The following ANK1 variants were observed in gnomAD, a reference collection of about 807,000 sequenced individuals.
The protein encoded by ANK1 is ankyrin 1.
Under a neutral mutation model 210.4 loss-of-function variants are expected in ANK1, and 51 were observed. The ratio of observed to expected loss-of-function variants is 0.24; its 90% CI spans 0.19 to 0.31. The LOEUF is 0.31. ANK1 is among the 10% of genes least tolerant of loss of function. ANK1 has a pLI of 1.00. For missense variants in ANK1, 2,051 were observed against 2,504.4 expected (o/e 0.82, Z 3.86); for synonymous variants, 967 against 1,025.9 (o/e 0.94, Z 1.10).
intron 1 of ANK1, chr8:41,828,718 C>A (rs927694387): frequency 2.0e-5 from 3 of 152,888 alleles, no homozygotes; most frequent in African/African-American, 4.8e-5. Context: ...GAAACAGGAA[C>A]TGCTCCTCGC....
chr8:41,862,303 G>A (rs966054651), intron 1 of ANK1, among the ~76,000 whole-genome samples: 7 of 152,154 alleles, frequency 4.6e-5, no homozygotes, highest in Admixed American at 6.5e-5. Context: ...ACAAAATGGT[G>A]TCTAGGAAAG....
chr8:41,664,260 C>T (rs569177768), intron 39 of ANK1: 8 of 432,716 alleles, frequency 1.8e-5, no homozygotes, highest in South Asian at 1.3e-4. Context: ...CCACTTGAGC[C>T]CAGGAGTTCA....
At chr8:41,815,095 T>C (rs1221980261) in intron 1 of ANK1, among the ~76,000 whole-genome samples, 1 of 152,116 alleles carries the variant, frequency 6.6e-6, no homozygotes, top group Non-Finnish European at 1.5e-5. Context: ...TTAAATAGGA[T>C]CACAGATCAT....
rs1008540022 is a variant in ANK1, at chr8:41,694,698, T to A, written c.3221A>T (p.Asp1074Val). The A allele has an allele frequency of 6.2e-7, 1 of 1,613,956 alleles. No individual in the cohort carries two copies. The highest frequency in any genetic ancestry group is 1.3e-5 in the African/African-American group (1 of 74,884). The stretch of plus-strand genomic sequence containing the variant: ...GGAGCCCCCTTCGGGACCGATGGTG[T>A]CGTAGTCCTGGCAGAGCCGTGACAT... ...VIMSRLCQDY[D>V]TIGPEGGSLK... The change falls in exon 28 of 43, where the codon GAC (aspartate) becomes GTC (valine). Residue 1074 changes from aspartate (D) to valine (V), a missense_variant. This residue lies in a region of ANK1 where 1,413 missense variants were observed against 1,707.4 expected (regional missense o/e 0.83). Transcript: ENST00000289734. This position sits in a 1 kb window ranked among gnomAD's most constrained non-coding sequence, Gnocchi z 5.7.
At chr8:41,877,472 C>T (rs1195415911) in intron 1 of ANK1, among the ~76,000 whole-genome samples, 1 of 152,224 alleles carries the variant, frequency 6.6e-6, no homozygotes, top group Non-Finnish European at 1.5e-5. Context: ...GCCCCAGCTG[C>T]AAGACTGTGG....
In ANK1 at chr8:41,697,807, G is replaced by A. The variant is rs1185977415; in HGVS notation, c.2637+236C>T. ...GCTGCTGTCCTGGGCTGCATCCAAG[G>A]ACTGCGCCACCACAGGAAAGGGCCC... On this transcript the variant is annotated intron_variant, in intron 24 of 42. Transcript: ENST00000289734. The A allele has an allele frequency of 3.3e-6, 2 of 610,126 alleles. 1 individual carries two copies. Among genetic ancestry groups the A allele is most frequent in the South Asian group, 3.5e-5 (2 of 56,588 alleles). 37.8% of individuals were successfully genotyped at this position (610,126 alleles called of 1,614,324 possible).
chr8:41,767,417 C>A (rs1361269963), intron 1 of ANK1, among the ~76,000 whole-genome samples: 1 of 151,802 alleles, frequency 6.6e-6, no homozygotes, highest in Non-Finnish European at 1.5e-5. Context: ...GCCCGGCTCC[C>A]GCTCCCCCTC....
chr8:41,684,724 A>G (rs374135662), intron 36 of ANK1, 34 bp from the exon 37 acceptor site: 39 of 1,607,888 alleles, frequency 2.4e-5, no homozygotes, highest in Non-Finnish European at 3.3e-5. Context: ...ACGTTACTCC[A>G]GGCCGGTGAG....
chr8:41,780,319 C>T (rs761729027), intron 1 of ANK1, among the ~76,000 whole-genome samples: 2 of 152,192 alleles, frequency 1.3e-5, no homozygotes, highest in Non-Finnish European at 2.9e-5. Flanking sequence ...GACACTGCAC[C>T]CAGCCTCTTC....
rs1820156528 is a variant in ANK1 at position 41,694,182 on chromosome 8, G to A, written c.3328-80C>T. ...GACGGGAGGCAGCTCCATGCCTGGT[G>A]AGAGTGGCCGTCAGTGCACGGGGTC... On this transcript the variant is annotated intron_variant, in intron 28 of 42. Transcript: ENST00000289734. The surrounding 1 kb of genome is among the most constrained non-coding windows in gnomAD (Gnocchi z 5.7). The A allele has an allele frequency of 4.8e-6, 7 of 1,453,502 alleles. No homozygotes were observed. The South Asian group carries it at 8.6e-5, about 18-fold the overall frequency. The allele number at this position is 1,453,502 out of a possible 1,614,324, so 90.0% of individuals were successfully genotyped here.
chr8:41,675,559 T>C (rs1191753372), intron 37 of ANK1, among the ~76,000 whole-genome samples: 2 of 152,250 alleles, frequency 1.3e-5, no homozygotes, highest in East Asian at 3.8e-4. Context: ...TTCCATAGAC[T>C]TTGCCATTAA....
intron 39 of ANK1, 67 bp from the exon 40 acceptor site, chr8:41,663,809 C>A (rs934706462): frequency 7.5e-7 from 1 of 1,329,128 alleles, no homozygotes; most frequent in Non-Finnish European, 1.1e-6. Flanking sequence ...GGGTGGAGGA[C>A]GAGGAAATGA....
intron 1 of ANK1, among the ~76,000 whole-genome samples, chr8:41,865,425 C>A (rs999422556): frequency 3.3e-5 from 5 of 151,990 alleles, no homozygotes; most frequent in Non-Finnish European, 7.4e-5. Flanking sequence ...ACAGCTGGGG[C>A]TCAGTAGATA....
chr8:41,748,984 G>C (rs1057409711), intron 2 of ANK1, among the ~76,000 whole-genome samples: 3 of 151,658 alleles, frequency 2.0e-5, no homozygotes, highest in Admixed American at 6.6e-5. Context: ...GCAGTGAACA[G>C]AGATCCTGCC....
At chr8:41,664,742 C>A in intron 39 of ANK1, 1 of 1,487,452 alleles carries the variant, frequency 6.7e-7, no homozygotes, top group Non-Finnish European at 9.1e-7. Flanking sequence ...CAGCAGCGTC[C>A]CCTCAGCCCC....
At chr8:41,675,992 TCA>T (rs988786551) in intron 37 of ANK1, among the ~76,000 whole-genome samples, 21 of 152,360 alleles carry the variant, frequency 1.4e-4, no homozygotes, top group Non-Finnish European at 2.4e-4. Context: ...GAAGGATATA[TCA>T]CAGTTTGTAA....
Position 41,668,505 on chromosome 8 carries a change from C to T in ANK1, c.5156G>A (p.Gly1719Asp), listed in dbSNP as rs778719660. ...IVSYLQDAAQ[G>D]SWQEEVTQGP... ...TTGCGTGACCTCCTCTTGCCAGGAA[C>T]CTTGTGCAGCATCTTGCAGGTATGA... Residue 1719 changes from glycine to aspartate, a missense_variant, in exon 39 of 43, where the codon GGT becomes GAT. Gly to Asp is a moderately conservative substitution (Grantham distance 94, BLOSUM62 -1). Transcript: ENST00000289734. The T allele has an allele frequency of 2.5e-6, 4 of 1,614,212 alleles. No homozygotes were observed. The highest frequency in any genetic ancestry group is 1.3e-5 in the African/African-American group (1 of 75,038).
At chr8:41,752,966 G>C (rs1331003609) in intron 2 of ANK1, among the ~76,000 whole-genome samples, 1 of 152,160 alleles carries the variant, frequency 6.6e-6, no homozygotes, top group African/African-American at 2.4e-5. Flanking sequence ...TCTACAAGGG[G>C]GGGATATTCA....
At chr8:41,668,626 C>T (rs906787756) in intron 38 of ANK1, 62 bp from the exon 39 acceptor site, 2 of 1,517,974 alleles carry the variant, frequency 1.3e-6, no homozygotes, top group African/African-American at 2.7e-5. Context: ...CCTGGTCACC[C>T]ATCAGTCTCA....
Sources: allele counts gnomAD v4.1 joint callset (sites outside exome capture counted in the v4.1 genomes callset), GRCh38; gene constraint gnomAD v4.1.1; regional missense constraint gnomAD v4.1.1; non-coding constraint Gnocchi (gnomAD v3.1); transcripts MANE v1.5; gene names NCBI Gene and HGNC (gene_info 2026-07-23, HGNC 2026-07-21).